Variants in MYO3B observed in about 807,000 individuals in gnomAD.
The protein encoded by MYO3B is myosin IIIB.
A neutral mutation model predicts 174.6 loss-of-function variants in MYO3B; 156 were observed. The observed-to-expected ratio is 0.89, with a 90% CI of 0.78 to 1.02. The LOEUF (loss-of-function observed/expected upper bound fraction) is 1.02, where lower values mean the gene tolerates loss of function less well. MYO3B is among the 50% of genes least tolerant of loss of function. MYO3B has a pLI of 0.00. For synonymous variants in MYO3B, 563 were observed against 569.1 expected (o/e 0.99, Z 0.15); for missense variants, 1,632 against 1,639.4 (o/e 1.00, Z 0.08).
intron 23 of MYO3B, among the ~76,000 whole-genome samples, chr2:170,454,263 C>T (rs1365684104): frequency 6.6e-6 from 1 of 152,114 alleles, no homozygotes; most frequent in Non-Finnish European, 1.5e-5. Context: ...CCAGCTGAGA[C>T]CTTGAAGGAG....
At chr2:170,333,879 G>C (rs543640810) in intron 7 of MYO3B, 1 of 152,116 alleles carries the variant, frequency 6.6e-6, no homozygotes, top group African/African-American at 2.4e-5. Flanking sequence ...GAAAATACTC[G>C]GAAAGGTTAT....
chr2:170,400,829 G>GTTTTT, intron 17 of MYO3B, among the ~76,000 whole-genome samples: 1 of 151,006 alleles, frequency 6.6e-6, no homozygotes, highest in African/African-American at 2.4e-5. Flanking sequence ...TTTGAGCAGT[G>GTTTTT]TTTTTTTCTT....
At chr2:170,366,994 C>T (rs548395115) in intron 8 of MYO3B, among the ~76,000 whole-genome samples, 6 of 150,058 alleles carry the variant, frequency 4.0e-5, no homozygotes, top group African/African-American at 1.5e-4. Context: ...ACCTGGAACA[C>T]TGCCCTGAGG....
At chr2:170,605,836 G>A (rs1442316030) in intron 32 of MYO3B, among the ~76,000 whole-genome samples, 1 of 151,970 alleles carries the variant, frequency 6.6e-6, no homozygotes, top group Non-Finnish European at 1.5e-5. Flanking sequence ...CTCTAGCCTG[G>A]GGGAGAGAGT....
intron 7 of MYO3B, among the ~76,000 whole-genome samples, chr2:170,258,943 A>G (rs1471645020): frequency 6.6e-6 from 1 of 152,180 alleles, no homozygotes; most frequent in Non-Finnish European, 1.5e-5. Flanking sequence ...TGAGAGCCAA[A>G]TCAAGAACAC....
At chr2:170,255,004 C>T (rs976286603) in intron 7 of MYO3B, among the ~76,000 whole-genome samples, 2 of 152,194 alleles carry the variant, frequency 1.3e-5, no homozygotes, top group African/African-American at 4.8e-5. Flanking sequence ...CCATAGTCCT[C>T]TGCTGGGATA....
intron 22 of MYO3B, among the ~76,000 whole-genome samples, chr2:170,431,303 C>T (rs960276236): frequency 6.6e-6 from 1 of 152,090 alleles, no homozygotes; most frequent in Admixed American, 6.5e-5. Flanking sequence ...CTACTGCCGA[C>T]GTGGCAATAA....
At position 170,417,119 on chromosome 2, in the gene MYO3B, T is replaced by C. The variant is rs565298070; in HGVS notation, c.2650+9275T>C. ...GATTATAGGCTTTTCCAGATCTTTATGGGTCCATCTCTTTCTTCTGACCCA... is the reference window on the plus strand; with the variant it reads ...GATTATAGGCTTTTCCAGATCTTTACGGGTCCATCTCTTTCTTCTGACCCA... On this transcript the variant is annotated intron_variant, in intron 22 of 34. Coordinates refer to ENST00000408978, the MANE Select transcript of MYO3B (RefSeq NM_138995.5). Among the ~76,000 whole-genome samples, 192 of 152,304 alleles carry C rather than the reference T, an allele frequency of 1.3e-3. 1 individual carries two copies. Among genetic ancestry groups the C allele is most frequent in the African/African-American group, 4.4e-3 (183 of 41,572 alleles).
intron 28 of MYO3B, among the ~76,000 whole-genome samples, chr2:170,512,825 A>G (rs1369172662): frequency 6.6e-6 from 1 of 152,164 alleles, no homozygotes; most frequent in Non-Finnish European, 1.5e-5. Flanking sequence ...TTAGGAAAAA[A>G]TTTTGTGCTT....
intron 8 of MYO3B, among the ~76,000 whole-genome samples, chr2:170,354,419 A>G (rs2094103896): frequency 6.6e-6 from 1 of 152,278 alleles, no homozygotes; most frequent in East Asian, 1.9e-4. Context: ...TGTATCACCT[A>G]TCTATGCATG....
chr2:170,472,185 T>A (rs1226226600), intron 25 of MYO3B, among the ~76,000 whole-genome samples: 1 of 152,158 alleles, frequency 6.6e-6, no homozygotes. Context: ...TAGAATTTGT[T>A]AAAATTCCTA....
intron 32 of MYO3B, among the ~76,000 whole-genome samples, chr2:170,588,586 A>G (rs60998865): frequency 0.029 from 4,437 of 152,304 alleles, 223 homozygotes; most frequent in African/African-American, 0.1. Flanking sequence ...AAGATTTTGC[A>G]TATTGTTGAT....
chr2:170,582,315 G>T (rs958791853), intron 32 of MYO3B, among the ~76,000 whole-genome samples: 1 of 152,182 alleles, frequency 6.6e-6, no homozygotes, highest in Admixed American at 6.5e-5. Context: ...TTCTACTCTG[G>T]AAAGAAAACA....
intron 7 of MYO3B, among the ~76,000 whole-genome samples, chr2:170,242,014 A>G (rs894538219): frequency 6.6e-6 from 1 of 152,162 alleles, no homozygotes; most frequent in African/African-American, 2.4e-5. Context: ...AGGGCTGTGA[A>G]ATATAAAGGA....
intron 23 of MYO3B, among the ~76,000 whole-genome samples, chr2:170,449,758 CAA>C (rs1683477076): frequency 2.0e-5 from 3 of 150,134 alleles, no homozygotes. Context: ...GCCTGGGTGA[CAA>C]GAGCAGAACT....
At chr2:170,573,231 A>G (rs75335936) in intron 32 of MYO3B, among the ~76,000 whole-genome samples, 19 of 131,366 alleles carry the variant, frequency 1.4e-4, no homozygotes, top group South Asian at 7.4e-4. Context: ...CTGTGTGTAT[A>G]TATATATATA....
intron 7 of MYO3B, among the ~76,000 whole-genome samples, chr2:170,303,155 T>C (rs1291813044): frequency 2.0e-5 from 3 of 152,204 alleles, no homozygotes; most frequent in African/African-American, 7.2e-5. Context: ...TCCAACTATG[T>C]TGTCTATGAA....
In MYO3B at chr2:170,515,013, G is replaced by A. The variant is rs749330629; in HGVS notation, c.3463G>A (p.Asp1155Asn). Residue 1155 changes from aspartate to asparagine, a missense_variant, in exon 29 of 35, where the codon GAC (aspartate) becomes AAC (asparagine). Coordinates refer to ENST00000408978, the MANE Select transcript of MYO3B (RefSeq NM_138995.5). ...GGTTCAAGACTGCAGCGAGCCTGGT[G>A]ACCATAAAGGTAGAGTCTTTCGAGA... ...AEVQDCSEPG[D>N]HKVLRGSVHR... 8 of 1,613,770 alleles carry A rather than the reference G, an allele frequency of 5.0e-6. No homozygotes were observed. The highest frequency in any genetic ancestry group is 1.7e-4 in the Middle Eastern group (1 of 6,060).
chr2:170,599,158 A>C (rs1694332490), intron 32 of MYO3B, among the ~76,000 whole-genome samples: 1 of 151,416 alleles, frequency 6.6e-6, no homozygotes, highest in Non-Finnish European at 1.5e-5. Flanking sequence ...ATTCTCCCTC[A>C]CTCCTCATTG....
Sources: allele counts gnomAD v4.1 joint callset (sites outside exome capture counted in the v4.1 genomes callset), GRCh38; gene constraint gnomAD v4.1.1; transcripts MANE v1.5; gene names NCBI Gene and HGNC (gene_info 2026-07-23, HGNC 2026-07-21).